The following C12orf42 variants were observed in gnomAD, a reference collection of about 807,000 sequenced individuals.
C12orf42 encodes chromosome 12 open reading frame 42.
In C12orf42, 25 loss-of-function variants were observed where a neutral mutation model predicts 21.6. That is an observed-to-expected ratio of 1.16 (90% CI 0.84 to 1.62). The LOEUF (loss-of-function observed/expected upper bound fraction) is 1.62, where lower values mean the gene tolerates loss of function less well. Among genes scored for constraint, C12orf42 ranks in the 40% most tolerant of loss-of-function variants. The probability of loss-of-function intolerance (pLI) is 0.00; values close to 1 mark genes in which losing one functional copy is unlikely to be tolerated. For missense variants in C12orf42, 483 were observed against 459.3 expected, an observed-to-expected ratio of 1.05 and a Z score of -0.47; for synonymous variants, 174 against 175.0, an observed-to-expected ratio of 0.99 and a Z score of 0.05.
intron 4 of C12orf42, among the ~76,000 whole-genome samples, chr12:103,326,221 C>T (rs979249301): frequency 6.6e-6 from 1 of 152,128 alleles, no homozygotes; most frequent in African/African-American, 2.4e-5. Context: ...AACCAATATT[C>T]TTTCACCATT....
chr12:103,288,888 T>C (rs771467139), intron 4 of C12orf42, among the ~76,000 whole-genome samples: 2 of 152,176 alleles, frequency 1.3e-5, no homozygotes, highest in African/African-American at 2.4e-5. Flanking sequence ...AAGAATAATA[T>C]AAACTTGAAC....
At chr12:103,421,690 T>C (rs1013433580) in intron 2 of C12orf42, among the ~76,000 whole-genome samples, 1 of 152,136 alleles carries the variant, frequency 6.6e-6, no homozygotes, top group Non-Finnish European at 1.5e-5. Context: ...TCCAGTATAG[T>C]AGTAGTGTTT....
the C12orf42 span, among the ~76,000 whole-genome samples, chr12:103,502,007 G>T: frequency 6.6e-6 from 1 of 152,134 alleles, no homozygotes; most frequent in Admixed American, 6.5e-5. Flanking sequence ...CCTAGATCAT[G>T]GTAGGCGTTC....
At chr12:103,148,776 T>C in the C12orf42 span, among the ~76,000 whole-genome samples, 1 of 152,206 alleles carries the variant, frequency 6.6e-6, no homozygotes, top group Non-Finnish European at 1.5e-5. Flanking sequence ...AGTGAAACTA[T>C]TACCTACTCT....
chr12:103,055,251 T>C, the C12orf42 span, among the ~76,000 whole-genome samples: 2 of 151,934 alleles, frequency 1.3e-5, no homozygotes, highest in Non-Finnish European at 2.9e-5. Context: ...TCTTAATAAT[T>C]ATAGGGCTAT....
At chr12:103,361,202 C>T (rs531839049) in intron 4 of C12orf42, among the ~76,000 whole-genome samples, 15 of 152,220 alleles carry the variant, frequency 9.9e-5, no homozygotes, top group South Asian at 2.1e-4. Flanking sequence ...ATACTGTGAG[C>T]GCCCAAGTTG....
the C12orf42 span, among the ~76,000 whole-genome samples, chr12:103,190,752 G>A: frequency 6.6e-6 from 1 of 152,208 alleles, no homozygotes; most frequent in African/African-American, 2.4e-5. Flanking sequence ...AAGAAAGCCT[G>A]TGGGAGTTAT....
chr12:103,426,778 G>C (rs1318528129), intron 2 of C12orf42, among the ~76,000 whole-genome samples: 1 of 152,202 alleles, frequency 6.6e-6, no homozygotes, highest in African/African-American at 2.4e-5. Context: ...AACCCTACAA[G>C]CCAGAAGAGA....
At chr12:103,550,399 A>T in the C12orf42 span, 90 of 152,034 alleles carry the variant, frequency 5.9e-4, no homozygotes, top group Non-Finnish European at 8.5e-4. Context: ...GTCCTAATAT[A>T]CTGTTTATAT....
intron 4 of C12orf42, among the ~76,000 whole-genome samples, chr12:103,325,109 G>C (rs901031592): frequency 6.6e-6 from 1 of 152,206 alleles, no homozygotes; most frequent in African/African-American, 2.4e-5. Flanking sequence ...TTTGCATAAA[G>C]TAGAGAGAGA....
At chr12:103,484,002 T>A (rs1272388335) in intron 1 of C12orf42, among the ~76,000 whole-genome samples, 1 of 152,230 alleles carries the variant, frequency 6.6e-6, no homozygotes, top group African/African-American at 2.4e-5. Context: ...CATCCTTTTT[T>A]ATGGCTGCAT....
the C12orf42 span, among the ~76,000 whole-genome samples, chr12:103,076,306 A>G: frequency 1.3e-5 from 2 of 150,772 alleles, no homozygotes; most frequent in East Asian, 3.9e-4. Flanking sequence ...TTTTTTTTAA[A>G]TAAGTAAGGC....
the C12orf42 span, among the ~76,000 whole-genome samples, chr12:103,163,795 G>T: frequency 6.6e-6 from 1 of 152,242 alleles, no homozygotes; most frequent in Middle Eastern, 3.4e-3. Context: ...CTGAGCCTCA[G>T]TTTTCTCATC....
the C12orf42 span, among the ~76,000 whole-genome samples, chr12:103,117,327 T>C: frequency 1.3e-5 from 2 of 152,230 alleles, no homozygotes; most frequent in African/African-American, 2.4e-5. Flanking sequence ...CTGGCTTATT[T>C]TGTTTAATAG....
chr12:103,550,328 C>T, the C12orf42 span: 2 of 152,088 alleles, frequency 1.3e-5, no homozygotes, highest in Non-Finnish European at 2.9e-5. Flanking sequence ...GGTAACTTTT[C>T]CTGTTAAAAC....
chr12:103,240,066 C>T (rs1031295273), intron 10 of C12orf42, among the ~76,000 whole-genome samples: 6 of 152,188 alleles, frequency 3.9e-5, no homozygotes, highest in Admixed American at 1.3e-4. Context: ...GAATTATTAA[C>T]ACCACTAAGC....
At chr12:103,184,619 T>C in the C12orf42 span, among the ~76,000 whole-genome samples, 4 of 151,928 alleles carry the variant, frequency 2.6e-5, no homozygotes, top group African/African-American at 7.3e-5. Context: ...GTAGATTCTT[T>C]CTTGGTTTCT....
At chr12:103,170,122 G>A in the C12orf42 span, among the ~76,000 whole-genome samples, 1 of 152,266 alleles carries the variant, frequency 6.6e-6, no homozygotes, top group East Asian at 1.9e-4. Flanking sequence ...TACTGGCTAT[G>A]CCTTTGAGTC....
intron 4 of C12orf42, among the ~76,000 whole-genome samples, chr12:103,309,805 G>A (rs959686973): frequency 6.6e-6 from 1 of 152,188 alleles, no homozygotes; most frequent in African/African-American, 2.4e-5. Flanking sequence ...CAGTCAAATG[G>A]CAAAGAGGGC....
Sources: allele counts gnomAD v4.1 joint callset (sites outside exome capture counted in the v4.1 genomes callset), GRCh38; gene constraint gnomAD v4.1.1; transcripts MANE v1.5; gene names NCBI Gene and HGNC (gene_info 2026-07-23, HGNC 2026-07-21).